The following KCNV2 variants were observed in gnomAD, a reference collection of about 807,000 sequenced individuals.
KCNV2 encodes the protein potassium voltage-gated channel subfamily V member 2.
In KCNV2, 65 loss-of-function variants were observed where a neutral mutation model predicts 37.0. That is an observed-to-expected ratio of 1.76 (90% CI 1.44 to 2.16). KCNV2 has a LOEUF of 2.16. Among genes scored for constraint, KCNV2 ranks in the 30% most tolerant of loss-of-function variants. The pLI is 0.00. For missense variants in KCNV2, 1,232 were observed against 766.7 expected, an observed-to-expected ratio of 1.61 and a Z score of -7.17; for synonymous variants, 518 against 328.6, an observed-to-expected ratio of 1.58 and a Z score of -6.23.
chr9:2,725,787 A>G (rs1464168514), intron 1 of KCNV2, among the ~76,000 whole-genome samples: 2 of 152,212 alleles, frequency 1.3e-5, no homozygotes, highest in African/African-American at 4.8e-5. Flanking sequence ...GATTGATTCC[A>G]TTCCTTGTTC....
intron 1 of KCNV2, among the ~76,000 whole-genome samples, chr9:2,721,007 A>T (rs908176783): frequency 6.6e-6 from 1 of 152,218 alleles, no homozygotes; most frequent in African/African-American, 2.4e-5. Context: ...TTTTATGTTA[A>T]CTGGCACTAT....
At chr9:2,728,537 A>G (rs570441708) in intron 1 of KCNV2, among the ~76,000 whole-genome samples, 83 of 152,338 alleles carry the variant, frequency 5.4e-4, no homozygotes, top group African/African-American at 1.9e-3. Flanking sequence ...TAAGTCTCCA[A>G]TTAGTGGGAT....
intron 1 of KCNV2, among the ~76,000 whole-genome samples, chr9:2,727,839 G>A (rs1683833724): frequency 6.6e-6 from 1 of 152,122 alleles, no homozygotes; most frequent in Non-Finnish European, 1.5e-5. Context: ...AGAGAATTTA[G>A]GTGATCTGCC....
chr9:2,726,239 G>A (rs948547157), intron 1 of KCNV2, among the ~76,000 whole-genome samples: 6 of 152,152 alleles, frequency 3.9e-5, no homozygotes, highest in African/African-American at 1.4e-4. Context: ...TCCTCCTGGA[G>A]CCAAGGAACA....
chr9:2,719,212 C>T (rs889720803), intron 1 of KCNV2, 117 bp downstream of exon 1: 33 of 1,143,070 alleles, frequency 2.9e-5, no homozygotes, highest in South Asian at 1.3e-5. Context: ...TCCCCCCCAC[C>T]CCCAATCGCC....
At chr9:2,721,542 G>T (rs1819868962) in intron 1 of KCNV2, among the ~76,000 whole-genome samples, 1 of 152,228 alleles carries the variant, frequency 6.6e-6, no homozygotes, top group South Asian at 2.1e-4. Context: ...CAAAACATTA[G>T]GACCAATTTG....
rs139581747 is a variant in KCNV2 at position 2,719,047 on chromosome 9, G to A, written c.1308G>A (p.Val436=). ...SAAVYSVEHD[V]PSTNFTTIPH... ...CTGTCTACTCTGTGGAGCACGATGTGCCCAGCACCAACTTCACTACCATCC... is the reference window on the plus strand; with the variant it reads ...CTGTCTACTCTGTGGAGCACGATGTACCCAGCACCAACTTCACTACCATCC... The change falls in exon 1 of 2, where the codon GTG becomes GTA. Residue 436 remains valine (V), a synonymous_variant. Coordinates refer to ENST00000382082, the MANE Select transcript of KCNV2 (RefSeq NM_133497.4). 4.3e-4 allele frequency: 693 copies of A among 1,612,606 alleles called. 1 individual carries two copies. The African/African-American group carries it at 7.8e-3, about 18-fold the overall frequency.
chr9:2,722,889 C>G (rs1819905067), intron 1 of KCNV2, among the ~76,000 whole-genome samples: 1 of 150,894 alleles, frequency 6.6e-6, no homozygotes, highest in Non-Finnish European at 1.5e-5. Context: ...ATGTCGATGG[C>G]TGTGGCAAAG....
chr9:2,723,702 A>G (rs375841650), intron 1 of KCNV2, among the ~76,000 whole-genome samples: 1 of 152,376 alleles, frequency 6.6e-6, no homozygotes, highest in East Asian at 1.9e-4. Flanking sequence ...ATTTGGGAAG[A>G]AAATAAAACA....
In KCNV2 at chr9:2,719,173, C is replaced by G. The variant is rs1337229583; in HGVS notation, c.1356+78C>G. ...GCTCCTCCCTCCCCTGGTTATCAGC[C>G]ACCAGGCTTTGGCTTCTGATCCTCG... On this transcript the variant is annotated intron_variant, in intron 1 of 1. Coordinates refer to ENST00000382082, the MANE Select transcript of KCNV2 (RefSeq NM_133497.4). 4 of 1,532,488 alleles carry G rather than the reference C, an allele frequency of 2.6e-6. No homozygotes were observed. In the African/African-American group the frequency reaches 5.5e-5, roughly 21 times the overall value. 94.9% of individuals were successfully genotyped at this position (1,532,488 alleles called of 1,614,324 possible).
In KCNV2 at chr9:2,718,035, T is replaced by A. The variant is rs1427633996; in HGVS notation, c.296T>A (p.Leu99Gln). 21 of 1,611,906 alleles carry A rather than the reference T, an allele frequency of 1.3e-5. No homozygotes were observed. The highest frequency in any genetic ancestry group is 1.8e-5 in the Non-Finnish European group (21 of 1,178,898). ...PSDPPALLST[L>Q]NVNVGGHSYQ... is the part of the protein sequence containing the mutation. ...GACCCTCCGGCCCTGCTGTCCACGC[T>A]GAATGTGAACGTGGGTGGCCACAGC... Residue 99 changes from leucine to glutamine, a missense_variant, in exon 1 of 2, where the codon CTG (leucine) becomes CAG (glutamine). Physicochemically the swap from Leu to Gln is moderately radical, Grantham distance 113. Transcript: ENST00000382082.
rs1819776082 is a variant in KCNV2, at chr9:2,718,187, T to A, written c.448T>A (p.Phe150Ile). 6.2e-7 allele frequency: 1 copy of A among 1,613,380 alleles called. No homozygotes were observed. Among genetic ancestry groups the A allele is most frequent in the Admixed American group, 1.7e-5 (1 of 59,966 alleles). The change falls in exon 1 of 2, where the codon TTC (phenylalanine) becomes ATC (isoleucine). Residue 150 changes from phenylalanine to isoleucine, a missense_variant. Physicochemically the swap from Phe to Ile is conservative, Grantham distance 21. Coordinates refer to ENST00000382082, the MANE Select transcript of KCNV2 (RefSeq NM_133497.4). ...CTACGAGGAGCAGACAGACGAATAC[T>A]TCTTCGACCGCGACCCGGCCGTCTT... The part of the protein sequence containing the change: ...DDYEEQTDEY[F>I]FDRDPAVFQL...
chr9:2,723,879 A>G (rs1435176275), intron 1 of KCNV2, among the ~76,000 whole-genome samples: 1 of 151,944 alleles, frequency 6.6e-6, no homozygotes, highest in African/African-American at 2.4e-5. Context: ...TAGGAAATGC[A>G]CGGCACAGCT....
At chr9:2,724,593 C>G (rs7863634) in intron 1 of KCNV2, among the ~76,000 whole-genome samples, 8,158 of 152,210 alleles carry the variant, frequency 0.054, 745 homozygotes, top group African/African-American at 0.19. Context: ...TAAGAGTCCA[C>G]AGGAGGGGCC....
chr9:2,718,087 C>T lies in KCNV2; in HGVS notation c.348C>T (p.Ala116=). ...HSYQLDYCEL[A]GFPKTRLGRL... is the part of the protein sequence containing the mutation. ...ACCAGCTGGACTACTGCGAGCTGGC[C>T]GGCTTCCCCAAGACGCGCCTAGGTC... The change falls in exon 1 of 2, where the codon GCC becomes GCT. Residue 116 remains alanine, a synonymous_variant. Transcript: ENST00000382082. 1.2e-5 allele frequency: 19 copies of T among 1,600,466 alleles called. No individual in the cohort carries two copies. Among genetic ancestry groups the T allele is most frequent in the Non-Finnish European group, 1.6e-5 (19 of 1,173,266 alleles).
chr9:2,719,795 A>G (rs780755126), intron 1 of KCNV2, among the ~76,000 whole-genome samples: 2 of 152,252 alleles, frequency 1.3e-5, no homozygotes, highest in Non-Finnish European at 2.9e-5. Flanking sequence ...TCCAAACTCC[A>G]TGCCTTTCCC....
intron 1 of KCNV2, among the ~76,000 whole-genome samples, chr9:2,728,604 T>C (rs1426529682): frequency 6.6e-6 from 1 of 152,172 alleles, no homozygotes; most frequent in African/African-American, 2.4e-5. Flanking sequence ...GAACATATTT[T>C]TGGTGAGTGA....
chr9:2,723,013 G>C (rs1471121091), intron 1 of KCNV2, among the ~76,000 whole-genome samples: 1 of 152,164 alleles, frequency 6.6e-6, no homozygotes, highest in Non-Finnish European at 1.5e-5. Flanking sequence ...CAAGTCAAAG[G>C]GCAGGGCAGG....
At chr9:2,722,985 A>T (rs1819906680) in intron 1 of KCNV2, among the ~76,000 whole-genome samples, 2 of 152,218 alleles carry the variant, frequency 1.3e-5, no homozygotes, top group Admixed American at 1.3e-4. Context: ...GGCCAGAGTA[A>T]GTCACATGGC....
Sources: allele counts gnomAD v4.1 joint callset (sites outside exome capture counted in the v4.1 genomes callset), GRCh38; gene constraint gnomAD v4.1.1; transcripts MANE v1.5; gene names NCBI Gene and HGNC (gene_info 2026-07-23, HGNC 2026-07-21).